The following HOTAIR variants were observed in gnomAD, a reference collection of about 807,000 sequenced individuals.
HOTAIR encodes HOX transcript antisense RNA.
At position 53,973,046 on chromosome 12, in the gene HOTAIR, CG is replaced by C. The variant is rs1407566633; in HGVS notation, n.59+1851del. ...TGCAAACCAATCGCCTGAACGTCCC[CG>C]ATCTTACCTAAGAGAGAACCCCTCC... On this transcript the variant is annotated intron_variant and non_coding_transcript_variant, in intron 1 of 6. Coordinates refer to ENST00000424518, the Ensembl canonical transcript of HOTAIR. This position sits in a 1 kb window ranked among gnomAD's most constrained non-coding sequence, Gnocchi z 4.3. 8.0e-6 allele frequency: 4 copies of C among 497,970 alleles called. No individual in the cohort carries two copies. The highest frequency in any genetic ancestry group is 1.4e-5 in the Non-Finnish European group (4 of 284,742). The allele number at this position is 497,970 out of a possible 1,614,324, so 30.8% of individuals were successfully genotyped here.
exon 7 of HOTAIR, chr12:53,963,773 C>T (rs1026136414): frequency 2.6e-5 from 4 of 152,208 alleles, no homozygotes; most frequent in South Asian, 2.1e-4. Context: ...TGACCCGAGC[C>T]GGGTGCTGCC....
At chr12:53,968,567 A>G (rs1939094344) in intron 2 of HOTAIR, 1 of 152,350 alleles carries the variant, frequency 6.6e-6, no homozygotes. Context: ...AATCCTGAGC[A>G]GAAGGCACTT....
intron 1 of HOTAIR, among the ~76,000 whole-genome samples, chr12:53,974,146 G>A (rs1373609522): frequency 2.0e-5 from 3 of 152,130 alleles, no homozygotes; most frequent in Non-Finnish European, 2.9e-5. Context: ...GGGGAGGGAG[G>A]GAAAAGGGCT....
chr12:53,973,182 T>C lies in HOTAIR; in HGVS notation n.59+1716A>G, dbSNP rs1281719310. 4.3e-6 allele frequency: 6 copies of C among 1,387,508 alleles called. No individual in the cohort carries two copies. Among genetic ancestry groups the C allele is most frequent in the Admixed American group, 4.6e-5 (2 of 43,928 alleles). The allele number at this position is 1,387,508 out of a possible 1,614,324, so 85.9% of individuals were successfully genotyped here. A position where few individuals can be genotyped will look rare whatever the true frequency, so the allele number is the denominator to read the frequency against. On this transcript the variant is annotated intron_variant and non_coding_transcript_variant, in intron 1 of 6. Transcript: ENST00000424518. This position sits in a 1 kb window ranked among gnomAD's most constrained non-coding sequence, Gnocchi z 4.3. ...ACGCGTCATCTCGCCTTCCCAAATTTTCCCCCCTCGCTAGACCGGGTCCAA... is the reference window on the plus strand; with the variant it reads ...ACGCGTCATCTCGCCTTCCCAAATTCTCCCCCCTCGCTAGACCGGGTCCAA...
In HOTAIR at chr12:53,973,455, G is replaced by A; in HGVS notation, n.59+1443C>T. 3 of 1,614,104 alleles carry A rather than the reference G, an allele frequency of 1.9e-6. No homozygotes were observed. Among genetic ancestry groups the A allele is most frequent in the South Asian group, 1.1e-5 (1 of 91,074 alleles). On this transcript the variant is annotated intron_variant and non_coding_transcript_variant, in intron 1 of 6. Transcript: ENST00000424518. The surrounding 1 kb of genome is among the most constrained non-coding windows in gnomAD (Gnocchi z 4.3). The stretch of plus-strand genomic sequence containing the variant: ...CTCGGCCCAAGTGCCCCCGGTCCGG[G>A]AGGTCTCCTACGGCCTGGAGCCATC...
At chr12:53,970,385 C>T (rs1332931057) in intron 1 of HOTAIR, among the ~76,000 whole-genome samples, 2 of 152,180 alleles carry the variant, frequency 1.3e-5, no homozygotes, top group African/African-American at 2.4e-5. Context: ...GCTGAAGCGT[C>T]CAGGTAGCCT....
intron 2 of HOTAIR, among the ~76,000 whole-genome samples, chr12:53,967,595 C>A (rs544376446): frequency 6.6e-6 from 1 of 152,186 alleles, no homozygotes; most frequent in Non-Finnish European, 1.5e-5. Context: ...CGGGAAGCCC[C>A]AGGGAGGGAA....
chr12:53,963,854 C>T (rs1939001416), exon 7 of HOTAIR: 1 of 152,254 alleles, frequency 6.6e-6, no homozygotes, highest in African/African-American at 2.4e-5. Context: ...GGATTATTCT[C>T]TCTGTACTCC....
chr12:53,974,925 C>A (rs891049353), exon 1 of HOTAIR: 2 of 503,212 alleles, frequency 4.0e-6, no homozygotes, highest in Non-Finnish European at 7.0e-6. Context: ...TGTCCCAGAC[C>A]CTGTCAGCCG....
chr12:53,965,509 C>G (rs1327900102), intron 5 of HOTAIR, among the ~76,000 whole-genome samples: 1 of 152,238 alleles, frequency 6.6e-6, no homozygotes. Context: ...CAGGCTGGGG[C>G]TGTGAAGGCC....
intron 2 of HOTAIR, among the ~76,000 whole-genome samples, chr12:53,967,689 G>A (rs1939079947): frequency 6.6e-6 from 1 of 152,186 alleles, no homozygotes; most frequent in African/African-American, 2.4e-5. Flanking sequence ...CCTTTCTTAT[G>A]TCCCCTCAGT....
Position 53,973,833 on chromosome 12 carries a change from G to C in HOTAIR, n.59+1065C>G. The C allele has an allele frequency of 1.3e-6, 2 of 1,510,908 alleles. No homozygotes were observed. The highest frequency in any genetic ancestry group is 3.6e-4 in the Middle Eastern group (2 of 5,542). The allele number at this position is 1,510,908 out of a possible 1,614,324, so 93.6% of individuals were successfully genotyped here. A position where few individuals can be genotyped will look rare whatever the true frequency, so the allele number is the denominator to read the frequency against. ...GGCGTCCCGGGCTGAGGCGGGTGCCGAGGCGGAGGCTGAGGAGGAGAACAC... is the reference window on the plus strand; with the variant it reads ...GGCGTCCCGGGCTGAGGCGGGTGCCCAGGCGGAGGCTGAGGAGGAGAACAC... On this transcript the variant is annotated intron_variant and non_coding_transcript_variant, in intron 1 of 6. Coordinates refer to ENST00000424518, the Ensembl canonical transcript of HOTAIR. This position sits in a 1 kb window ranked among gnomAD's most constrained non-coding sequence, Gnocchi z 4.3.
At position 53,964,731 on chromosome 12, in the gene HOTAIR, G is replaced by A. The variant is rs1422156200; in HGVS notation, n.552-448C>T. ...AGGGGCCAGGGGTGTATGGGATGTA[G>A]AGGAAAAGGAGACAGTAGGGTCTCC... On this transcript the variant is annotated intron_variant and non_coding_transcript_variant, in intron 5 of 6. Coordinates refer to ENST00000424518, the Ensembl canonical transcript of HOTAIR. Among the ~76,000 whole-genome samples, 3 of 152,322 alleles carry A rather than the reference G, an allele frequency of 2.0e-5. No individual in the cohort carries two copies. In the South Asian group the frequency reaches 6.2e-4, roughly 32 times the overall value.
intron 3 of HOTAIR, chr12:53,966,721 G>T (rs1365795289): frequency 6.6e-6 from 1 of 152,324 alleles, no homozygotes; most frequent in Non-Finnish European, 1.5e-5. Flanking sequence ...GCTGAGGCCT[G>T]GCGTGCGGAG....
At chr12:53,968,998 G>A (rs983526182) in intron 1 of HOTAIR, 2 of 152,162 alleles carry the variant, frequency 1.3e-5, no homozygotes, top group African/African-American at 4.8e-5. Context: ...AAAATGCCGC[G>A]AGCTCACTTT....
chr12:53,973,187 C>G lies in HOTAIR; in HGVS notation n.59+1711G>C. ...TCATCTCGCCTTCCCAAATTTTCCC[C>G]CCTCGCTAGACCGGGTCCAAAACCT... On this transcript the variant is annotated intron_variant and non_coding_transcript_variant, in intron 1 of 6. Transcript: ENST00000424518. This position sits in a 1 kb window ranked among gnomAD's most constrained non-coding sequence, Gnocchi z 4.3. 1 of 1,433,480 alleles carries G rather than the reference C, an allele frequency of 7.0e-7. No individual in the cohort carries two copies. The highest frequency in any genetic ancestry group is 1.4e-5 in the South Asian group (1 of 73,374). The allele number at this position is 1,433,480 out of a possible 1,614,324, so 88.8% of individuals were successfully genotyped here.
At position 53,971,435 on chromosome 12, in the gene HOTAIR, T is replaced by A. The variant is rs370978878; in HGVS notation, n.60-2679A>T. ...AGGAGGCAGGAGCATTGAGGAGGAA[T>A]GGATTTTAGGGGTTACATATGGAGA... On this transcript the variant is annotated intron_variant and non_coding_transcript_variant, in intron 1 of 6. Transcript: ENST00000424518. Among the ~76,000 whole-genome samples the A allele has an allele frequency of 1.8e-4, 27 of 152,316 alleles. 1 individual carries two copies. In the South Asian group the frequency reaches 2.9e-3, roughly 16 times the overall value.
At position 53,973,767 on chromosome 12, in the gene HOTAIR, G is replaced by T; in HGVS notation, n.59+1131C>A. On this transcript the variant is annotated intron_variant and non_coding_transcript_variant, in intron 1 of 6. Coordinates refer to ENST00000424518, the Ensembl canonical transcript of HOTAIR. This position sits in a 1 kb window ranked among gnomAD's most constrained non-coding sequence, Gnocchi z 4.3. Reference sequence around the variant, plus strand: ...CGAGCCCCCCTGCTCCGGCAAGGGCGAGGCCAAGGGGGAGCCCGAGGCACC... The same window carrying T: ...CGAGCCCCCCTGCTCCGGCAAGGGCTAGGCCAAGGGGGAGCCCGAGGCACC... The T allele has an allele frequency of 1.2e-6, 2 of 1,610,660 alleles. No individual in the cohort carries two copies. Among genetic ancestry groups the T allele is most frequent in the Non-Finnish European group, 1.7e-6 (2 of 1,178,664 alleles).
At chr12:53,971,736 C>T (rs1449573145) in intron 1 of HOTAIR, among the ~76,000 whole-genome samples, 1 of 152,208 alleles carries the variant, frequency 6.6e-6, no homozygotes, top group Non-Finnish European at 1.5e-5. Flanking sequence ...ATGCTGGTTG[C>T]TTTTGGCCCC....
Sources: allele counts gnomAD v4.1 joint callset (sites outside exome capture counted in the v4.1 genomes callset), GRCh38; gene constraint gnomAD v4.1.1; non-coding constraint Gnocchi (gnomAD v3.1); transcripts MANE v1.5; gene names NCBI Gene and HGNC (gene_info 2026-07-23, HGNC 2026-07-21).